The following RPTOR variants were observed in gnomAD, a reference collection of about 807,000 sequenced individuals.
The protein encoded by RPTOR is regulatory associated protein of MTOR complex 1, also known as regulatory-associated protein of mTOR.
A neutral mutation model predicts 169.9 loss-of-function variants in RPTOR; 21 were observed. The ratio of observed to expected loss-of-function variants is 0.12; its 90% CI spans 0.09 to 0.18. The LOEUF (loss-of-function observed/expected upper bound fraction) is 0.18, where lower values mean the gene tolerates loss of function less well. Ranked by LOEUF, RPTOR falls within the 10% of genes least tolerant of loss-of-function variation. The probability of loss-of-function intolerance (pLI) is 1.00; values close to 1 mark genes in which losing one functional copy is unlikely to be tolerated. For missense variants in RPTOR, 1,133 were observed against 1,855.9 expected (o/e 0.61, Z 7.16); for synonymous variants, 732 against 753.2 (o/e 0.97, Z 0.46).
intron 3 of RPTOR, among the ~76,000 whole-genome samples, chr17:80,693,106 A>G (rs923257834): frequency 1.3e-5 from 2 of 152,240 alleles, no homozygotes; most frequent in Non-Finnish European, 2.9e-5. Context: ...ATTGGAATCA[A>G]AGCTTCATTG....
At chr17:80,808,758 T>G (rs2067243961) in intron 7 of RPTOR, among the ~76,000 whole-genome samples, 1 of 152,220 alleles carries the variant, frequency 6.6e-6, no homozygotes, top group South Asian at 2.1e-4. Flanking sequence ...CAGAACTTTC[T>G]GTAAACAGAA....
At chr17:80,657,088 T>C (rs976820570) in intron 3 of RPTOR, among the ~76,000 whole-genome samples, 4 of 152,264 alleles carry the variant, frequency 2.6e-5, no homozygotes, top group Non-Finnish European at 4.4e-5. Context: ...CTTGCTTGTT[T>C]AAATTTGAAT....
In RPTOR at chr17:80,711,744, C is replaced by CTTTTTTTTT. The variant is rs1226456124; in HGVS notation, c.507+3753_507+3761dup. Among the ~76,000 whole-genome samples, 502 of 88,762 alleles carry CTTTTTTTTT rather than the reference C, an allele frequency of 5.7e-3. 40 individuals carry two copies. Among genetic ancestry groups the CTTTTTTTTT allele is most frequent in the Middle Eastern group, 0.014 (2 of 142 alleles). The allele number at this position is 88,762 out of a possible 152,430, so 58.2% of individuals were successfully genotyped here. A position where few individuals can be genotyped will look rare whatever the true frequency, so the allele number is the denominator to read the frequency against. On this transcript the variant is annotated intron_variant, in intron 4 of 33. Transcript: ENST00000306801. ...AGTTAACATATAGTTATACATCAGTCTTTTTTTTTTTTTTTTGAGGTTAAG... is the reference window on the plus strand; with the variant it reads ...AGTTAACATATAGTTATACATCAGTCTTTTTTTTTTTTTTTTTTTTTTTTTGAGGTTAAG...
chr17:80,652,462 C>T (rs2065648533), intron 3 of RPTOR, among the ~76,000 whole-genome samples: 1 of 152,192 alleles, frequency 6.6e-6, no homozygotes, highest in African/African-American at 2.4e-5. Flanking sequence ...CAAGATTCCT[C>T]CATGCTATTG....
rs79581077 is a variant in RPTOR, at chr17:80,876,871, T to C, written c.1510-3544T>C. On this transcript the variant is annotated intron_variant, in intron 13 of 33. Transcript: ENST00000306801. ...CACACAGGGTGTGTGTGTCGCCTGC[T>C]GGGTTTTCCACCGAGCCTGTGCCAT... Among the ~76,000 whole-genome samples the C allele has an allele frequency of 2.1e-3, 255 of 121,014 alleles. 2 individuals carry two copies. The highest frequency in any genetic ancestry group is 6.6e-3 in the African/African-American group (205 of 31,134). The allele number at this position is 121,014 out of a possible 152,430, so 79.4% of individuals were successfully genotyped here.
At chr17:80,586,628 TG>T (rs754728282) in intron 1 of RPTOR, among the ~76,000 whole-genome samples, 8 of 152,130 alleles carry the variant, frequency 5.3e-5, no homozygotes, top group Non-Finnish European at 1.0e-4. Flanking sequence ...CCCTCTGCCA[TG>T]GGGGCCTGTG....
chr17:80,939,873 C>T (rs1399702992), intron 24 of RPTOR, among the ~76,000 whole-genome samples: 1 of 152,214 alleles, frequency 6.6e-6, no homozygotes, highest in African/African-American at 2.4e-5. Context: ...CCTGGGGAGG[C>T]GTTTCCCAAG....
At chr17:80,700,407 TGGTG>T (rs2143049837) in intron 3 of RPTOR, among the ~76,000 whole-genome samples, 1 of 150,596 alleles carries the variant, frequency 6.6e-6, no homozygotes, top group Admixed American at 6.6e-5. Context: ...GTGGTGATGG[TGGTG>T]GTGGTGATGG....
rs767008434 is a variant in RPTOR, at chr17:80,960,882, G to A, written c.3606-512G>A. 5.4e-5 allele frequency: 9 copies of A among 166,490 alleles called. No homozygotes were observed. The highest frequency in any genetic ancestry group is 1.7e-4 in the East Asian group (1 of 5,908). The allele number at this position is 166,490 out of a possible 1,614,324, so 10.3% of individuals were successfully genotyped here. A position where few individuals can be genotyped will look rare whatever the true frequency, so the allele number is the denominator to read the frequency against. ...GTCCGGGCCTAGCAGGGGACAGTCC[G>A]TCTTGGCCCACACGGCTCATGCAGC... On this transcript the variant is annotated intron_variant, in intron 30 of 33. Transcript: ENST00000306801. This position sits in a 1 kb window ranked among gnomAD's most constrained non-coding sequence, Gnocchi z 4.8.
intron 1 of RPTOR, among the ~76,000 whole-genome samples, chr17:80,547,894 C>T (rs1319370566): frequency 2.0e-5 from 3 of 152,116 alleles, no homozygotes; most frequent in Admixed American, 1.3e-4. Flanking sequence ...ACAGGGGCTC[C>T]CTGATGCCAT....
At chr17:80,911,210 C>T (rs1355115179) in intron 21 of RPTOR, among the ~76,000 whole-genome samples, 1 of 152,192 alleles carries the variant, frequency 6.6e-6, no homozygotes, top group Non-Finnish European at 1.5e-5. Context: ...TAATTCTGCA[C>T]CGGCCTCCCC....
intron 3 of RPTOR, among the ~76,000 whole-genome samples, chr17:80,701,644 G>T (rs193250680): frequency 3.3e-5 from 5 of 152,346 alleles, no homozygotes; most frequent in African/African-American, 1.2e-4. Flanking sequence ...CTCCAGGACA[G>T]TTCTGAGAGT....
intron 20 of RPTOR, among the ~76,000 whole-genome samples, chr17:80,896,455 C>G (rs2068403939): frequency 7.1e-6 from 1 of 141,426 alleles, no homozygotes; most frequent in Non-Finnish European, 1.6e-5. Context: ...TGCCGACACC[C>G]CACACGGCCG....
intron 1 of RPTOR, among the ~76,000 whole-genome samples, chr17:80,588,682 C>T (rs1192892353): frequency 6.6e-6 from 1 of 152,166 alleles, no homozygotes; most frequent in Non-Finnish European, 1.5e-5. Context: ...TTTTCATACT[C>T]TTACTGGTGA....
chr17:80,894,306 TC>T (rs1377739185), intron 20 of RPTOR, among the ~76,000 whole-genome samples: 4 of 152,110 alleles, frequency 2.6e-5, no homozygotes, highest in Non-Finnish European at 4.4e-5. Flanking sequence ...GCTGCTCACA[TC>T]CCCTGGTGCC....
intron 5 of RPTOR, among the ~76,000 whole-genome samples, chr17:80,736,244 A>G (rs543169628): frequency 1.3e-5 from 2 of 152,128 alleles, no homozygotes; most frequent in East Asian, 3.9e-4. Flanking sequence ...GCACTCTGCA[A>G]GGCTTTTCTC....
At chr17:80,910,136 A>T (rs1286576209) in intron 21 of RPTOR, among the ~76,000 whole-genome samples, 1 of 152,008 alleles carries the variant, frequency 6.6e-6, no homozygotes. Context: ...TGTCCTGCAA[A>T]TTGTCACCAC....
chr17:80,908,796 A>ATT lies in RPTOR; in HGVS notation c.2402-13_2402-12dup. 6.3e-7 allele frequency: 1 copy of ATT among 1,593,502 alleles called. No individual in the cohort carries two copies. Among genetic ancestry groups the ATT allele is most frequent in the African/African-American group, 1.3e-5 (1 of 74,584 alleles). ...GCTACTTTCCACTAAAACATCTTCC[A>ATT]TTTCTCTCTCTCAGGAGTTTCCTTT... On this transcript the variant is annotated splice_polypyrimidine_tract_variant and intron_variant, in intron 20 of 33. Transcript: ENST00000306801.
intron 1 of RPTOR, among the ~76,000 whole-genome samples, chr17:80,583,182 G>GT (rs1166711662): frequency 0.23 from 18,117 of 78,682 alleles, 3,338 homozygotes; most frequent in African/African-American, 0.27. Context: ...CCTCTTTCCT[G>GT]TTTTTTTTTT....
Sources: allele counts gnomAD v4.1 joint callset (sites outside exome capture counted in the v4.1 genomes callset), GRCh38; gene constraint gnomAD v4.1.1; non-coding constraint Gnocchi (gnomAD v3.1); transcripts MANE v1.5; gene names NCBI Gene and HGNC (gene_info 2026-07-23, HGNC 2026-07-21).